TMEM182: variants seen among roughly 807,000 people sequenced by gnomAD.
TMEM182 encodes transmembrane protein 182.
A neutral mutation model predicts 26.8 loss-of-function variants in TMEM182; 20 were observed. That is an observed-to-expected ratio of 0.75 (90% CI 0.53 to 1.09). The LOEUF (loss-of-function observed/expected upper bound fraction) is 1.09. Ranked by LOEUF, TMEM182 falls within the 50% of genes least tolerant of loss-of-function variation. The probability of loss-of-function intolerance (pLI) is 0.00; values close to 1 mark genes in which losing one functional copy is unlikely to be tolerated. For missense variants in TMEM182, 277 were observed against 275.5 expected, an observed-to-expected ratio of 1.01 and a Z score of -0.04; for synonymous variants, 109 against 102.2, an observed-to-expected ratio of 1.07 and a Z score of -0.40.
chr2:102,754,774 A>G (rs1002352295), intron 1 of TMEM182, among the ~76,000 whole-genome samples: 1 of 151,844 alleles, frequency 6.6e-6, no homozygotes, highest in Non-Finnish European at 1.5e-5. Context: ...ACTATAGAAA[A>G]AGAATGTTTT....
chr2:102,808,587 G>A (rs1682432854), intron 4 of TMEM182, among the ~76,000 whole-genome samples: 2 of 152,226 alleles, frequency 1.3e-5, no homozygotes, highest in South Asian at 4.1e-4. Context: ...CTAAGAAAAT[G>A]TTATCCATTA....
At chr2:102,761,914 G>A, upstream of TMEM182, 1 of 285,302 alleles carries the variant, frequency 3.5e-6, no homozygotes, top group Non-Finnish European at 6.7e-6. Flanking sequence ...TCAAGAGAAG[G>A]TCAGCTATTT....
intron 1 of TMEM182, among the ~76,000 whole-genome samples, chr2:102,749,943 G>A (rs189871938): frequency 1.7e-4 from 26 of 151,926 alleles, no homozygotes; most frequent in East Asian, 1.2e-3. Context: ...TGGTGATTAC[G>A]TCTAGGTGGT....
chr2:102,789,260 A>G (rs1467561459), intron 3 of TMEM182, among the ~76,000 whole-genome samples: 5 of 152,246 alleles, frequency 3.3e-5, no homozygotes, highest in East Asian at 1.9e-4. Flanking sequence ...TGAAAAATGA[A>G]TAACACTTAA....
chr2:102,825,044 C>T (rs1403167144), intron 3 of TMEM182, among the ~76,000 whole-genome samples: 3 of 152,098 alleles, frequency 2.0e-5, no homozygotes, highest in Admixed American at 6.5e-5. Flanking sequence ...GCTTTCATAA[C>T]ATTGTTGCTT....
At chr2:102,744,873 C>T (rs1018548420) in intron 1 of TMEM182, among the ~76,000 whole-genome samples, 1 of 152,058 alleles carries the variant, frequency 6.6e-6, no homozygotes, top group African/African-American at 2.4e-5. Context: ...GAGATGCTTA[C>T]ATGTGTTTGT....
rs1165963945 is a variant in TMEM182, at chr2:102,762,650, G to C, written c.196G>C (p.Glu66Gln). 1.2e-6 allele frequency: 2 copies of C among 1,613,734 alleles called. No individual in the cohort carries two copies. The highest frequency in any genetic ancestry group is 1.7e-6 in the Non-Finnish European group (2 of 1,179,910). ...GAGGTGTTGGTTTAATGGGATTGTG[G>C]AAGAGAATGACTCCAATATTTGGAA... is the stretch of plus-strand genomic sequence containing the variant. ...FWRCWFNGIV[E>Q]ENDSNIWKFW... Residue 66 changes from glutamate (E) to glutamine (Q), a missense_variant, in exon 2 of 5, where the codon GAA becomes CAA. By Grantham distance (29) the Glu-to-Gln change is conservative. Transcript: ENST00000412401.
intron 3 of TMEM182, among the ~76,000 whole-genome samples, chr2:102,787,083 C>A (rs1238006497): frequency 6.6e-6 from 1 of 152,202 alleles, no homozygotes. Context: ...TACCTCTATT[C>A]TGAATGATTC....
intron 3 of TMEM182, among the ~76,000 whole-genome samples, chr2:102,793,527 C>T (rs967938556): frequency 7.2e-5 from 11 of 152,062 alleles, no homozygotes; most frequent in Admixed American, 2.0e-4. Flanking sequence ...AATTGTTTCC[C>T]GGACCCATCC....
chr2:102,777,202 G>C (rs974765120), intron 3 of TMEM182, among the ~76,000 whole-genome samples: 1 of 151,608 alleles, frequency 6.6e-6, no homozygotes, highest in Non-Finnish European at 1.5e-5. Context: ...TTTTCGTATT[G>C]TATATAAAAA....
chr2:102,792,457 T>A (rs1237196499), intron 3 of TMEM182, among the ~76,000 whole-genome samples: 1 of 152,186 alleles, frequency 6.6e-6, no homozygotes, highest in Non-Finnish European at 1.5e-5. Flanking sequence ...CCCAAATGAA[T>A]GTGCTTAATT....
chr2:102,816,105 TC>T lies in TMEM182; in HGVS notation c.*1138del, dbSNP rs1682734057. ...GTGGGGAAAGATGATTCTGTATTATTCAGTAGCATAGACATTTTGCATATCA... is the reference window on the plus strand; with the variant it reads ...GTGGGGAAAGATGATTCTGTATTATTAGTAGCATAGACATTTTGCATATCA... On this transcript the variant is annotated 3_prime_UTR_variant, in exon 5 of 5. Coordinates refer to ENST00000412401, the MANE Select transcript of TMEM182 (RefSeq NM_144632.5). The T allele has an allele frequency of 1.1e-5, 11 of 985,308 alleles. No homozygotes were observed. The highest frequency in any genetic ancestry group is 1.2e-5 in the Non-Finnish European group (10 of 829,942). 61.0% of individuals were successfully genotyped at this position (985,308 alleles called of 1,614,324 possible). A position where few individuals can be genotyped will look rare whatever the true frequency, so the allele number is the denominator to read the frequency against.
At chr2:102,763,607 G>C (rs1245432716) in intron 2 of TMEM182, among the ~76,000 whole-genome samples, 2 of 152,184 alleles carry the variant, frequency 1.3e-5, no homozygotes, top group Non-Finnish European at 2.9e-5. Flanking sequence ...GCAAGTACCT[G>C]ATAGACTATC....
In TMEM182 at chr2:102,764,279, A is replaced by C. The variant is rs755537495; in HGVS notation, c.233-50A>C. 6 of 1,570,230 alleles carry C rather than the reference A, an allele frequency of 3.8e-6. No individual in the cohort carries two copies. In the South Asian group the frequency reaches 6.7e-5, roughly 17 times the overall value. ...ATTTCTGTTCCATTAAGGATGAGTC[A>C]TGACTGAGCTTTTCAATAACAAGTG... On this transcript the variant is annotated intron_variant, in intron 2 of 4. Coordinates refer to ENST00000412401, the MANE Select transcript of TMEM182 (RefSeq NM_144632.5).
At chr2:102,786,041 ATTTTT>A (rs35677242) in intron 3 of TMEM182, among the ~76,000 whole-genome samples, 1 of 135,802 alleles carries the variant, frequency 7.4e-6, no homozygotes. Context: ...GTGTAGATTG[ATTTTT>A]TTTTTTTTTT....
chr2:102,834,279 AC>A, intron 3 of TMEM182: 2 of 618,576 alleles, frequency 3.2e-6, no homozygotes, highest in Non-Finnish European at 4.0e-6. Context: ...TTCATGCACA[AC>A]AGTCTCTGTA....
At chr2:102,784,586 T>C (rs1324788547) in intron 3 of TMEM182, among the ~76,000 whole-genome samples, 1 of 152,156 alleles carries the variant, frequency 6.6e-6, no homozygotes, top group Non-Finnish European at 1.5e-5. Context: ...GGTGAGTCTG[T>C]AGAGTAAAGT....
chr2:102,838,349 T>G (rs1683285088), intron 3 of TMEM182, among the ~76,000 whole-genome samples: 1 of 152,200 alleles, frequency 6.6e-6, no homozygotes, highest in Non-Finnish European at 1.5e-5. Flanking sequence ...TAAGGGCTCC[T>G]ATTTTCACAA....
intron 4 of TMEM182, among the ~76,000 whole-genome samples, chr2:102,805,477 G>A (rs1682310691): frequency 6.6e-6 from 1 of 152,110 alleles, no homozygotes; most frequent in Non-Finnish European, 1.5e-5. Context: ...CCTTGTTGGA[G>A]ACATTCTGGT....
Sources: gnomAD v4.1 joint callset for allele counts (sites outside exome capture counted in the v4.1 genomes callset) on GRCh38, gnomAD v4.1.1 for gene constraint, MANE v1.5 for transcripts, NCBI Gene and HGNC (gene_info 2026-07-23, HGNC 2026-07-21) for gene names.